The following PPP1R9A variants were observed in gnomAD, a reference collection of about 807,000 sequenced individuals.
PPP1R9A encodes the protein neurabin-1.
Under a neutral mutation model 141.9 loss-of-function variants are expected in PPP1R9A, and 59 were observed. That is an observed-to-expected ratio of 0.42 (90% CI 0.34 to 0.52). The LOEUF (loss-of-function observed/expected upper bound fraction) is 0.52. Ranked by LOEUF, PPP1R9A falls within the 20% of genes least tolerant of loss-of-function variation. PPP1R9A has a pLI of 0.10. For missense variants in PPP1R9A, 1,444 were observed against 1,611.9 expected (o/e 0.90, Z 1.78); for synonymous variants, 500 against 569.7 (o/e 0.88, Z 1.74).
At chr7:95,180,263 A>G (rs924556906) in intron 5 of PPP1R9A, among the ~76,000 whole-genome samples, 2 of 152,108 alleles carry the variant, frequency 1.3e-5, no homozygotes, top group African/African-American at 2.4e-5. Context: ...AAACAAAACC[A>G]TAAAATGGGG....
intron 2 of PPP1R9A, among the ~76,000 whole-genome samples, chr7:95,095,244 T>C (rs976408014): frequency 1.3e-5 from 2 of 152,174 alleles, no homozygotes; most frequent in South Asian, 4.1e-4. Flanking sequence ...TACCAGTTTT[T>C]CTAGTGTGTT....
intron 2 of PPP1R9A, among the ~76,000 whole-genome samples, chr7:95,053,460 C>G (rs1811084162): frequency 6.6e-6 from 1 of 152,036 alleles, no homozygotes; most frequent in Admixed American, 6.6e-5. Flanking sequence ...AGTATTGCAG[C>G]AAAATTCAAT....
intron 7 of PPP1R9A, among the ~76,000 whole-genome samples, chr7:95,207,127 G>A (rs1790973066): frequency 6.6e-6 from 1 of 151,416 alleles, no homozygotes; most frequent in South Asian, 2.1e-4. Context: ...TTAAAGTTTC[G>A]AGAAATATGA....
In PPP1R9A at chr7:95,052,476, C is replaced by T. The variant is rs149335254; in HGVS notation, c.1396-58783C>T. On this transcript the variant is annotated intron_variant, in intron 2 of 19. Coordinates refer to ENST00000433360, the MANE Select transcript of PPP1R9A (RefSeq NM_001166160.2). ...ACCCAGGTTTCTGGCTGGGGAGCCC[C>T]GTGGATTGTGTTGCCATCCTTCAAG... 1.3e-4 allele frequency among the ~76,000 whole-genome samples: 20 copies of T among 152,104 alleles called. No individual in the cohort carries two copies. In the East Asian group the frequency reaches 3.7e-3, roughly 28 times the overall value.
intron 3 of PPP1R9A, among the ~76,000 whole-genome samples, chr7:95,112,569 A>G (rs1321368287): frequency 2.0e-5 from 3 of 151,810 alleles, no homozygotes; most frequent in Non-Finnish European, 4.4e-5. Context: ...TATCTCCCCA[A>G]AGGAAAAGAA....
chr7:95,051,954 C>T (rs1240398095), intron 2 of PPP1R9A, among the ~76,000 whole-genome samples: 15 of 151,754 alleles, frequency 9.9e-5, no homozygotes, highest in African/African-American at 3.6e-4. Context: ...ATTCTCCTGC[C>T]TCAGCTTACT....
In PPP1R9A at chr7:95,184,765, A is replaced by G. The variant is rs552441665; in HGVS notation, c.1755-13584A>G. ...ACTTTACTTAGAATAATGGTGTCCA[A>G]CTCCATCCAGGTTGCTGCAAATGTC... On this transcript the variant is annotated intron_variant, in intron 5 of 19. Transcript: ENST00000433360. Among the ~76,000 whole-genome samples the G allele has an allele frequency of 9.9e-5, 15 of 151,806 alleles. No homozygotes were observed. In the South Asian group the frequency reaches 3.1e-3, roughly 32 times the overall value.
At chr7:95,194,387 C>T (rs1184823433) in intron 5 of PPP1R9A, among the ~76,000 whole-genome samples, 5 of 151,902 alleles carry the variant, frequency 3.3e-5, no homozygotes, top group African/African-American at 1.2e-4. Flanking sequence ...TTCTAGAATT[C>T]TAGATCAGCA....
At chr7:95,198,114 T>G (rs561207996) in intron 5 of PPP1R9A, among the ~76,000 whole-genome samples, 1 of 152,308 alleles carries the variant, frequency 6.6e-6, no homozygotes, top group Non-Finnish European at 1.5e-5. Flanking sequence ...ATGATAATTT[T>G]TATGGTCCTT....
chr7:95,118,924 G>A (rs944793550), intron 3 of PPP1R9A, among the ~76,000 whole-genome samples: 2 of 151,136 alleles, frequency 1.3e-5, no homozygotes, highest in African/African-American at 4.9e-5. Flanking sequence ...TGAGGCTGCA[G>A]TGAGCCATGA....
At chr7:95,109,567 A>G (rs1316394418) in intron 2 of PPP1R9A, among the ~76,000 whole-genome samples, 1 of 152,240 alleles carries the variant, frequency 6.6e-6, no homozygotes, top group African/African-American at 2.4e-5. Flanking sequence ...TAGGCCAGGC[A>G]TAGTAGCTTA....
chr7:95,053,400 T>C (rs1811076421), intron 2 of PPP1R9A, among the ~76,000 whole-genome samples: 1 of 152,164 alleles, frequency 6.6e-6, no homozygotes, highest in Non-Finnish European at 1.5e-5. Flanking sequence ...TGTATAATTT[T>C]CCCACAATGC....
chr7:95,048,009 ATATT>A (rs1810272133), intron 2 of PPP1R9A, among the ~76,000 whole-genome samples: 2 of 152,220 alleles, frequency 1.3e-5, no homozygotes, highest in South Asian at 4.1e-4. Flanking sequence ...CCCAAGTAGA[ATATT>A]TATTTTAAAA....
chr7:94,926,762 TG>T (rs1401894692), intron 2 of PPP1R9A, among the ~76,000 whole-genome samples: 1 of 152,172 alleles, frequency 6.6e-6, no homozygotes, highest in Non-Finnish European at 1.5e-5. Flanking sequence ...GAAATGTGCT[TG>T]GTTTTAATTC....
chr7:95,126,249 C>A (rs558470616), intron 4 of PPP1R9A, among the ~76,000 whole-genome samples: 3 of 152,046 alleles, frequency 2.0e-5, no homozygotes, highest in Non-Finnish European at 4.4e-5. Context: ...ACAAAAGCCC[C>A]GTGAGGTAGG....
At chr7:94,908,873 G>A (rs1356087494) in intron 1 of PPP1R9A, among the ~76,000 whole-genome samples, 1 of 152,228 alleles carries the variant, frequency 6.6e-6, no homozygotes, top group Non-Finnish European at 1.5e-5. Flanking sequence ...CAGGAGCCGA[G>A]TTTGGAGACG....
chr7:95,270,138 A>G (rs888144694), intron 14 of PPP1R9A, among the ~76,000 whole-genome samples: 8 of 152,044 alleles, frequency 5.3e-5, no homozygotes, highest in Admixed American at 4.6e-4. Flanking sequence ...AGTCGTTGTG[A>G]CAGAGACTGT....
Position 95,269,427 on chromosome 7 carries a change from C to T in PPP1R9A, c.3044C>T (p.Ser1015Phe). 1 of 1,594,386 alleles carries T rather than the reference C, an allele frequency of 6.3e-7. No individual in the cohort carries two copies. Among genetic ancestry groups the T allele is most frequent in the Non-Finnish European group, 8.5e-7 (1 of 1,175,574 alleles). The change falls in exon 14 of 20, where the codon TCT becomes TTT. Residue 1015 changes from serine to phenylalanine, a missense_variant. By Grantham distance (155) the Ser-to-Phe change is radical. This residue lies in a region of PPP1R9A where 459 missense variants were observed against 513.8 expected (regional missense o/e 0.89). Transcript: ENST00000433360. Reference protein sequence around the residue: ...SSMWGDTSLFSTSKSDHDVEE... With the variant: ...SSMWGDTSLFFTSKSDHDVEE... ...ATGTGGGGAGACACTTCACTGTTTT[C>T]TACTTCAAAGTCTGATCATGATGTG...
chr7:95,023,753 C>T (rs573353651), intron 2 of PPP1R9A, among the ~76,000 whole-genome samples: 5 of 152,170 alleles, frequency 3.3e-5, no homozygotes, highest in South Asian at 2.1e-4. Flanking sequence ...GGAGTTTCAC[C>T]GTGTTAGCCA....
Sources: gnomAD v4.1 joint callset for allele counts (sites outside exome capture counted in the v4.1 genomes callset) on GRCh38, gnomAD v4.1.1 for gene constraint, gnomAD v4.1.1 regional missense constraint, MANE v1.5 for transcripts, NCBI Gene and HGNC (gene_info 2026-07-23, HGNC 2026-07-21) for gene names.